FANCD2: variants seen among roughly 807,000 people sequenced by gnomAD.
FANCD2 encodes Fanconi anemia group D2 protein.
FANCD2 carries 131 observed loss-of-function variants against 192.3 expected under a neutral mutation model. That is an observed-to-expected ratio of 0.68 (90% CI 0.59 to 0.79). FANCD2 has a LOEUF of 0.79. Ranked by LOEUF, FANCD2 falls within the 30% of genes least tolerant of loss-of-function variation. The probability of loss-of-function intolerance (pLI) is 0.00; values close to 1 mark genes in which losing one functional copy is unlikely to be tolerated. For missense variants in FANCD2, 1,508 were observed against 1,701.6 expected, an observed-to-expected ratio of 0.89 and a Z score of 2.00; for synonymous variants, 524 against 612.5, an observed-to-expected ratio of 0.86 and a Z score of 2.13.
chr3:10,057,967 C>T (rs1343073598), intron 18 of FANCD2: 2 of 371,640 alleles, frequency 5.4e-6, no homozygotes, highest in Admixed American at 3.1e-5. Context: ...AGGCAGTGAC[C>T]AATTATTACT....
At chr3:10,073,011 G>A in intron 27 of FANCD2, 30 bp downstream of exon 27, 2 of 1,296,734 alleles carry the variant, frequency 1.5e-6, no homozygotes, top group Non-Finnish European at 1.1e-6. Flanking sequence ...CTTGTCTTGT[G>A]TCTCTAAATA....
chr3:10,083,814 G>A (rs756886854), intron 32 of FANCD2: 2 of 148,488 alleles, frequency 1.3e-5, no homozygotes, highest in Non-Finnish European at 3.0e-5. Flanking sequence ...CCTTAACCCG[G>A]GAGGTGGAGC....
intron 1 of FANCD2, among the ~76,000 whole-genome samples, chr3:10,027,123 G>A (rs2086472291): frequency 6.6e-6 from 1 of 152,182 alleles, no homozygotes; most frequent in African/African-American, 2.4e-5. Context: ...TGCACTGCGA[G>A]CTTTTTTCAC....
Position 10,090,273 on chromosome 3 carries a change from T to G in FANCD2, c.3684-19T>G. On this transcript the variant is annotated intron_variant, in intron 36 of 43. Coordinates refer to ENST00000675286, the MANE Select transcript of FANCD2 (RefSeq NM_001018115.3). ...CAGTGCATCATGGTGTGGGCACGCA[T>G]GCTTTTCCCGTCTTCTAGGCATACT... 6.3e-7 allele frequency: 1 copy of G among 1,594,790 alleles called. No individual in the cohort carries two copies. Among genetic ancestry groups the G allele is most frequent in the Non-Finnish European group, 8.6e-7 (1 of 1,163,194 alleles).
At chr3:10,052,787 T>C (rs2087257211) in intron 18 of FANCD2, among the ~76,000 whole-genome samples, 1 of 151,376 alleles carries the variant, frequency 6.6e-6, no homozygotes, top group South Asian at 2.1e-4. Flanking sequence ...GTGCTCATCA[T>C]CACTGGCCAT....
chr3:10,091,012 C>A (rs1243914948), intron 37 of FANCD2, among the ~76,000 whole-genome samples: 4 of 151,824 alleles, frequency 2.6e-5, no homozygotes. Flanking sequence ...CTAACCAGAA[C>A]GGAGCTAGAC....
chr3:10,071,725 T>G (rs1451969536), intron 26 of FANCD2, among the ~76,000 whole-genome samples: 1 of 152,160 alleles, frequency 6.6e-6, no homozygotes, highest in Non-Finnish European at 1.5e-5. Flanking sequence ...GGTTAATAGC[T>G]TCAAAAATAT....
Position 10,029,362 on chromosome 3 carries a change from A to G in FANCD2, c.64+641A>G, listed in dbSNP as rs190818204. 1.6e-4 allele frequency among the ~76,000 whole-genome samples: 24 copies of G among 152,204 alleles called. No homozygotes were observed. The East Asian group carries it at 1.9e-3, about 12-fold the overall frequency. Reference sequence around the variant, plus strand: ...AAAAAATTTTTTTAATTAGCTGGGCATGGTGGTTTGTGCCTGTGGTCCCAG... The same window carrying G: ...AAAAAATTTTTTTAATTAGCTGGGCGTGGTGGTTTGTGCCTGTGGTCCCAG... On this transcript the variant is annotated intron_variant, in intron 2 of 43. Transcript: ENST00000675286.
In FANCD2 at chr3:10,043,127, G is replaced by A. The variant is rs1376981821; in HGVS notation, c.966G>A (p.Lys322=). The A allele has an allele frequency of 6.2e-7, 1 of 1,614,098 alleles. No individual in the cohort carries two copies. Among genetic ancestry groups the A allele is most frequent in the Non-Finnish European group, 8.5e-7 (1 of 1,180,010 alleles). The change falls in exon 12 of 44, where the codon AAG becomes AAA. Residue 322 remains lysine (K), a synonymous_variant. Coordinates refer to ENST00000675286, the MANE Select transcript of FANCD2 (RefSeq NM_001018115.3). ...CACGGTTACAGGCTTCCCAAGTAAAGTTGAAAAGTAAAGGACGAGCAAGGT... is the reference window on the plus strand; with the variant it reads ...CACGGTTACAGGCTTCCCAAGTAAAATTGAAAAGTAAAGGACGAGCAAGGT... ...LPSRLQASQV[K]LKSKGRASSS...
At chr3:10,033,309 G>C (rs570974010) in intron 3 of FANCD2, among the ~76,000 whole-genome samples, 11 of 152,222 alleles carry the variant, frequency 7.2e-5, no homozygotes, top group Non-Finnish European at 1.6e-4. Flanking sequence ...CCTGAGTCAG[G>C]AGAATTGCTT....
At chr3:10,062,296 A>C in intron 20 of FANCD2, 85 bp downstream of exon 20, 1 of 1,102,442 alleles carries the variant, frequency 9.1e-7, no homozygotes, top group East Asian at 2.5e-5. Flanking sequence ...CCTGCAGTGC[A>C]GTGGCAAGAT....
At chr3:10,080,127 A>C (rs2125057803) in intron 30 of FANCD2, among the ~76,000 whole-genome samples, 2 of 151,968 alleles carry the variant, frequency 1.3e-5, no homozygotes, top group African/African-American at 4.8e-5. Context: ...GTTGGCCAGG[A>C]TTGTCTTGAT....
In FANCD2 at chr3:10,073,258, A is replaced by G. The variant is rs1163322342; in HGVS notation, c.2611A>G (p.Lys871Glu). 6.2e-7 allele frequency: 1 copy of G among 1,613,030 alleles called. No individual in the cohort carries two copies. The highest frequency in any genetic ancestry group is 2.2e-5 in the East Asian group (1 of 44,892). Residue 871 changes from lysine (K) to glutamate (E), a missense_variant, in exon 28 of 44, where the codon AAA (lysine) becomes GAA (glutamate). By Grantham distance (56) the Lys-to-Glu change is moderately conservative. Around this residue, in one of 5 missense-constraint regions of FANCD2, gnomAD observed 796 missense variants for 879.4 expected, o/e 0.91. Transcript: ENST00000675286. ...TTCTCTTTTTAATATAAAAGAAAGGAAACAAAAAACAGATGGCAGCAAGAC... is the reference window on the plus strand; with the variant it reads ...TTCTCTTTTTAATATAAAAGAAAGGGAACAAAAAACAGATGGCAGCAAGAC... The part of the protein sequence containing the change: ...KIRKKGKIER[K>E]QKTDGSKTSS...
rs370843473 is a variant in FANCD2 at position 10,028,646 on chromosome 3, A to G, written c.-12A>G. 3.1e-6 allele frequency: 5 copies of G among 1,613,442 alleles called. No individual in the cohort carries two copies. Among genetic ancestry groups the G allele is most frequent in the Non-Finnish European group, 3.4e-6 (4 of 1,179,338 alleles). Reference sequence around the variant, plus strand: ...CTAGGAAGTAATTTAAGTGCACAAGACATTGGTCAAAATGGTTTCCAAAAG... The same window carrying G: ...CTAGGAAGTAATTTAAGTGCACAAGGCATTGGTCAAAATGGTTTCCAAAAG... On this transcript the variant is annotated 5_prime_UTR_variant, in exon 2 of 44. Transcript: ENST00000675286.
At chr3:10,038,519 A>G (rs1288404727) in intron 7 of FANCD2, among the ~76,000 whole-genome samples, 1 of 151,424 alleles carries the variant, frequency 6.6e-6, no homozygotes, top group Non-Finnish European at 1.5e-5. Flanking sequence ...AATGATTTTT[A>G]GTACTTTTAT....
chr3:10,041,751 C>T (rs1459934478), intron 10 of FANCD2, 41 bp downstream of exon 10: 10 of 1,392,642 alleles, frequency 7.2e-6, no homozygotes, highest in Admixed American at 1.7e-5. Context: ...GCCAGCTTTC[C>T]AACCTCCCAG....
chr3:10,078,869 G>T (rs1276048426), intron 30 of FANCD2, among the ~76,000 whole-genome samples: 2 of 151,840 alleles, frequency 1.3e-5, no homozygotes, highest in Non-Finnish European at 2.9e-5. Flanking sequence ...GGAGGCTGAG[G>T]CATGGGGAGG....
At chr3:10,036,224 G>T in intron 6 of FANCD2, 63 bp from the exon 7 acceptor site, 3 of 1,398,530 alleles carry the variant, frequency 2.1e-6, no homozygotes, top group Non-Finnish European at 3.0e-6. Context: ...AAGTAGCTGG[G>T]ATTATACATT....
At chr3:10,071,960 G>T (rs6772315) in intron 26 of FANCD2, among the ~76,000 whole-genome samples, 1 of 151,728 alleles carries the variant, frequency 6.6e-6, no homozygotes, top group Non-Finnish European at 1.5e-5. Flanking sequence ...GGGTTTCACC[G>T]TGTTGGCCGG....
Sources: gnomAD v4.1 joint callset for allele counts (sites outside exome capture counted in the v4.1 genomes callset) on GRCh38, gnomAD v4.1.1 for gene constraint, gnomAD v4.1.1 regional missense constraint, MANE v1.5 for transcripts, NCBI Gene and HGNC (gene_info 2026-07-23, HGNC 2026-07-21) for gene names.